The following LIN52 variants were observed in gnomAD, a reference collection of about 807,000 sequenced individuals.
The protein encoded by LIN52 is lin-52 DREAM MuvB core complex component.
A neutral mutation model predicts 18.5 loss-of-function variants in LIN52; 4 were observed. That is an observed-to-expected ratio of 0.22 (90% CI 0.11 to 0.49). LIN52 has a LOEUF of 0.49. LIN52 is among the 20% of genes least tolerant of loss of function. LIN52 has a pLI of 0.97. For missense variants in LIN52, 102 were observed against 139.5 expected, an observed-to-expected ratio of 0.73 and a Z score of 1.35; for synonymous variants, 34 against 45.5, an observed-to-expected ratio of 0.75 and a Z score of 1.02.
chr14:74,139,115 T>A (rs1052933502), intron 5 of LIN52, among the ~76,000 whole-genome samples: 4 of 152,170 alleles, frequency 2.6e-5, no homozygotes, highest in Admixed American at 1.3e-4. Flanking sequence ...GGTAGGAATT[T>A]AATTTAAAAA....
At chr14:74,170,906 G>A (rs767989338) in intron 5 of LIN52, among the ~76,000 whole-genome samples, 1 of 151,288 alleles carries the variant, frequency 6.6e-6, no homozygotes, top group Non-Finnish European at 1.5e-5. Context: ...ATGATCCCAG[G>A]CATGGTGGTT....
chr14:74,168,681 A>C (rs1310013985), intron 5 of LIN52, among the ~76,000 whole-genome samples: 1 of 151,852 alleles, frequency 6.6e-6, no homozygotes, highest in Non-Finnish European at 1.5e-5. Flanking sequence ...AAAAAAAAAG[A>C]AAAATTAACC....
chr14:74,152,398 T>C (rs1304801740), intron 5 of LIN52, among the ~76,000 whole-genome samples: 1 of 152,182 alleles, frequency 6.6e-6, no homozygotes, highest in East Asian at 1.9e-4. Context: ...TAAGAAACAT[T>C]GATAATCATT....
In LIN52 at chr14:74,196,066, G is replaced by A. The variant is rs532284431; in HGVS notation, c.284-2856G>A. ...CGTATATCTCCTGTATGGGACTGGCGAGTAGGAAAACTTTCTCTCCTCCCA... is the reference window on the plus strand; with the variant it reads ...CGTATATCTCCTGTATGGGACTGGCAAGTAGGAAAACTTTCTCTCCTCCCA... On this transcript the variant is annotated intron_variant, in intron 5 of 5. Coordinates refer to ENST00000555028, the MANE Select transcript of LIN52 (RefSeq NM_001024674.3). 9.2e-5 allele frequency among the ~76,000 whole-genome samples: 14 copies of A among 152,208 alleles called. No individual in the cohort carries two copies. The South Asian group carries it at 1.2e-3, about 14-fold the overall frequency.
At position 74,200,578 on chromosome 14, in the gene LIN52, C is replaced by G. The variant is rs2139603549; in HGVS notation, c.*1601C>G. The G allele has an allele frequency of 6.6e-6, 1 of 152,188 alleles. No individual in the cohort carries two copies. Among genetic ancestry groups the G allele is most frequent in the African/African-American group, 2.4e-5 (1 of 41,540 alleles). 9.4% of individuals were successfully genotyped at this position (152,188 alleles called of 1,614,324 possible). ...ATTAAACCTTTTCTGACATTTGTGC[C>G]TTGTTCTCATGCTAGAATTAATGCT... On this transcript the variant is annotated 3_prime_UTR_variant, in exon 6 of 6. Transcript: ENST00000555028.
At chr14:74,100,260 TAAA>T (rs1405474542) in intron 4 of LIN52, among the ~76,000 whole-genome samples, 2 of 152,212 alleles carry the variant, frequency 1.3e-5, no homozygotes, top group African/African-American at 4.8e-5. Context: ...ACAAATGTTA[TAAA>T]TAATGTTTCC....
intron 5 of LIN52, chr14:74,174,789 G>GAA (rs35131247): frequency 0.49 from 71,868 of 147,704 alleles, 18,028 homozygotes; most frequent in Non-Finnish European, 0.53. Flanking sequence ...TAATACATTT[G>GAA]AAAAAAAAAA....
Position 74,199,158 on chromosome 14 carries a change from C to G in LIN52, c.*181C>G. The G allele has an allele frequency of 1.9e-6, 1 of 535,014 alleles. No individual in the cohort carries two copies. The highest frequency in any genetic ancestry group is 3.0e-5 in the East Asian group (1 of 33,350). 33.1% of individuals were successfully genotyped at this position (535,014 alleles called of 1,614,324 possible). A position where few individuals can be genotyped will look rare whatever the true frequency, so the allele number is the denominator to read the frequency against. Reference sequence around the variant, plus strand: ...GGACATTCAGCAGCAAGAGAAGAATCTGCTCTACCCAAGGATCATTGCAGT... The same window carrying G: ...GGACATTCAGCAGCAAGAGAAGAATGTGCTCTACCCAAGGATCATTGCAGT... On this transcript the variant is annotated 3_prime_UTR_variant, in exon 6 of 6. Coordinates refer to ENST00000555028, the MANE Select transcript of LIN52 (RefSeq NM_001024674.3).
intron 5 of LIN52, among the ~76,000 whole-genome samples, chr14:74,160,842 T>A (rs1379423351): frequency 6.6e-6 from 1 of 152,236 alleles, no homozygotes; most frequent in African/African-American, 2.4e-5. Flanking sequence ...GACTCATATA[T>A]CCTAGCTAGT....
intron 5 of LIN52, among the ~76,000 whole-genome samples, chr14:74,110,618 C>T (rs1019569019): frequency 6.6e-6 from 1 of 151,304 alleles, no homozygotes; most frequent in South Asian, 2.1e-4. Flanking sequence ...TGCAGTGAGC[C>T]GAGATTATGC....
At chr14:74,112,114 A>G (rs1034473447) in intron 5 of LIN52, among the ~76,000 whole-genome samples, 4 of 152,162 alleles carry the variant, frequency 2.6e-5, no homozygotes, top group Non-Finnish European at 5.9e-5. Flanking sequence ...TCCTGAACTC[A>G]GGTGATCCGC....
intron 5 of LIN52, among the ~76,000 whole-genome samples, chr14:74,135,313 T>A (rs963960354): frequency 4.6e-5 from 7 of 152,150 alleles, no homozygotes; most frequent in African/African-American, 7.2e-5. Flanking sequence ...TCTGCCCGCG[T>A]TGGCCTCCCA....
chr14:74,175,750 ACC>A (rs71115967), intron 5 of LIN52, among the ~76,000 whole-genome samples: 1,616 of 84,864 alleles, frequency 0.019, 26 homozygotes, highest in East Asian at 0.041. Context: ...ACACACACAC[ACC>A]CCCATTATAC....
chr14:74,131,659 A>C lies in LIN52; in HGVS notation c.283+30421A>C, dbSNP rs964437725. On this transcript the variant is annotated intron_variant, in intron 5 of 5. Transcript: ENST00000555028. The stretch of plus-strand genomic sequence containing the variant: ...TACATGCCGATTTTATAGCTGAAAA[A>C]TTATGTTTCAGTATTTTTAATACGC... Among the ~76,000 whole-genome samples the C allele has an allele frequency of 7.9e-5, 12 of 152,302 alleles. No individual in the cohort carries two copies. In the East Asian group the frequency reaches 2.3e-3, roughly 29 times the overall value.
intron 5 of LIN52, among the ~76,000 whole-genome samples, chr14:74,195,787 C>T (rs538598454): frequency 1.3e-5 from 2 of 152,130 alleles, no homozygotes; most frequent in East Asian, 1.9e-4. Context: ...GGTTAGCGGG[C>T]GGTGATTACT....
intron 5 of LIN52, among the ~76,000 whole-genome samples, chr14:74,164,919 A>C (rs72627163): frequency 0.17 from 26,262 of 152,158 alleles, 2,773 homozygotes; most frequent in East Asian, 0.58. Flanking sequence ...ATGGAAGGCA[A>C]CTTGGAGAAA....
intron 2 of LIN52, 76 bp from the exon 3 acceptor site, chr14:74,095,871 GT>G (rs765805534): frequency 3.3e-6 from 3 of 901,332 alleles, no homozygotes; most frequent in Non-Finnish European, 5.2e-6. Flanking sequence ...AGACAAAGCT[GT>G]TTTCTTATTA....
At chr14:74,152,010 A>C (rs2061178553) in intron 5 of LIN52, among the ~76,000 whole-genome samples, 1 of 152,078 alleles carries the variant, frequency 6.6e-6, no homozygotes, top group African/African-American at 2.4e-5. Flanking sequence ...TAATCCTACC[A>C]CTTTGGGAGG....
intron 5 of LIN52, among the ~76,000 whole-genome samples, chr14:74,194,627 C>G (rs1304745490): frequency 6.6e-6 from 1 of 152,118 alleles, no homozygotes; most frequent in Non-Finnish European, 1.5e-5. Context: ...ACATGTTAAC[C>G]CTATAGTGAC....
Sources: gnomAD v4.1 joint callset for allele counts (sites outside exome capture counted in the v4.1 genomes callset) on GRCh38, gnomAD v4.1.1 for gene constraint, MANE v1.5 for transcripts, NCBI Gene and HGNC (gene_info 2026-07-23, HGNC 2026-07-21) for gene names.